The following ANKS1B variants were observed in gnomAD, a reference collection of about 807,000 sequenced individuals.
ANKS1B encodes the protein ankyrin repeat and sterile alpha motif domain containing 1B.
A neutral mutation model predicts 148.3 loss-of-function variants in ANKS1B; 36 were observed. The ratio of observed to expected loss-of-function variants is 0.24; its 90% CI spans 0.19 to 0.32. The LOEUF (loss-of-function observed/expected upper bound fraction) is 0.32, where lower values mean the gene tolerates loss of function less well. Among genes scored for constraint, ANKS1B ranks in the 10% least tolerant of loss-of-function variants. ANKS1B has a pLI of 1.00. For missense variants in ANKS1B, 1,157 were observed against 1,542.6 expected, an observed-to-expected ratio of 0.75 and a Z score of 4.19; for synonymous variants, 542 against 560.8, an observed-to-expected ratio of 0.97 and a Z score of 0.47.
rs150642467 is a variant in ANKS1B at position 99,205,584 on chromosome 12, C to T, written c.2419+38758G>A. Among the ~76,000 whole-genome samples, 308 of 152,230 alleles carry T rather than the reference C, an allele frequency of 2.0e-3. 9 individuals carry two copies. The South Asian group carries it at 0.048, about 24-fold the overall frequency. On this transcript the variant is annotated intron_variant, in intron 14 of 26. Transcript: ENST00000683438. ...AGGTCCCCTGTCTTCCTCACGGAGC[C>T]CCAGTCTGTTCCTTTCAGGTTGGAC...
intron 17 of ANKS1B, among the ~76,000 whole-genome samples, chr12:98,865,540 A>G (rs1422799369): frequency 6.6e-6 from 1 of 152,232 alleles, no homozygotes; most frequent in Non-Finnish European, 1.5e-5. Flanking sequence ...GCAGGGGAGA[A>G]GGATCATGAA....
intron 1 of ANKS1B, among the ~76,000 whole-genome samples, chr12:99,876,386 T>A (rs945016455): frequency 6.6e-6 from 1 of 152,032 alleles, no homozygotes; most frequent in Non-Finnish European, 1.5e-5. Flanking sequence ...TCATATAAAA[T>A]GAGTAGGATT....
Position 98,832,438 on chromosome 12 carries a change from C to T in ANKS1B, c.2779-302G>A, listed in dbSNP as rs530046209. 3.3e-5 allele frequency among the ~76,000 whole-genome samples: 5 copies of T among 152,138 alleles called. No individual in the cohort carries two copies. In the East Asian group the frequency reaches 5.8e-4, roughly 18 times the overall value. ...GAAACCAGCTCTTCTTATAAGCAGC[C>T]GAAACCTCACAGGATAAAATCTGAG... On this transcript the variant is annotated intron_variant, in intron 17 of 26. Coordinates refer to ENST00000683438, the MANE Select transcript of ANKS1B (RefSeq NM_001352186.2).
At chr12:99,820,243 G>T (rs1032782800) in intron 2 of ANKS1B, among the ~76,000 whole-genome samples, 4 of 151,852 alleles carry the variant, frequency 2.6e-5, no homozygotes, top group African/African-American at 9.7e-5. Flanking sequence ...AGATGAATAT[G>T]AAATAATGCA....
In ANKS1B at chr12:99,704,263, A is replaced by C. The variant is rs554326984; in HGVS notation, c.1129-49053T>G. Among the ~76,000 whole-genome samples, 7 of 152,172 alleles carry C rather than the reference A, an allele frequency of 4.6e-5. No homozygotes were observed. In the East Asian group the frequency reaches 5.8e-4, roughly 13 times the overall value. ...AGGGATAATTTGGCTTCCTCTCTCCACAGGCAGATGGAGGCCTTTTCCCCC... is the reference window on the plus strand; with the variant it reads ...AGGGATAATTTGGCTTCCTCTCTCCCCAGGCAGATGGAGGCCTTTTCCCCC... On this transcript the variant is annotated intron_variant, in intron 8 of 26. Coordinates refer to ENST00000683438, the MANE Select transcript of ANKS1B (RefSeq NM_001352186.2).
intron 9 of ANKS1B, among the ~76,000 whole-genome samples, chr12:99,574,021 G>A (rs919329901): frequency 1.3e-5 from 2 of 151,934 alleles, no homozygotes; most frequent in Admixed American, 1.3e-4. Flanking sequence ...CCAAATGCCA[G>A]AAGTGTTGCC....
In ANKS1B at chr12:99,248,253, G is replaced by A. The variant is rs56661312; in HGVS notation, c.1757-1389C>T. Among the ~76,000 whole-genome samples the A allele has an allele frequency of 1.8e-3, 278 of 152,270 alleles. 2 individuals are homozygous for A. Among genetic ancestry groups the A allele is most frequent in the African/African-American group, 6.5e-3 (271 of 41,558 alleles). ...TCTTTATAGTGAAGATTGGCCCCAG[G>A]TGTCTATACTGCTCTCCGCCTGGGA... On this transcript the variant is annotated intron_variant, in intron 12 of 26. Coordinates refer to ENST00000683438, the MANE Select transcript of ANKS1B (RefSeq NM_001352186.2).
chr12:99,507,118 T>C (rs1289918403), intron 9 of ANKS1B, among the ~76,000 whole-genome samples: 3 of 151,920 alleles, frequency 2.0e-5, no homozygotes, highest in African/African-American at 7.2e-5. Context: ...ATGTAAATTA[T>C]TTTGCCTTTC....
In ANKS1B at chr12:99,272,482, T is replaced by C. The variant is rs2077157883; in HGVS notation, c.1757-25618A>G. On this transcript the variant is annotated intron_variant, in intron 12 of 26. Transcript: ENST00000683438. ...ACTATTTTGGAACTCTGGAGTATAA[T>C]GAAGACTTGAAGCGTCCAGGAGAAG... Among the ~76,000 whole-genome samples the C allele has an allele frequency of 2.0e-5, 3 of 152,312 alleles. No homozygotes were observed. The South Asian group carries it at 6.2e-4, about 32-fold the overall frequency.
intron 17 of ANKS1B, 69 bp downstream of exon 17, chr12:99,053,088 A>T: frequency 7.2e-7 from 1 of 1,394,420 alleles, no homozygotes; most frequent in Non-Finnish European, 9.5e-7. Context: ...AAACACTTAT[A>T]AAAAAAGAAA....
intron 9 of ANKS1B, among the ~76,000 whole-genome samples, chr12:99,625,396 A>G (rs1472420893): frequency 2.0e-5 from 3 of 152,126 alleles, no homozygotes; most frequent in African/African-American, 7.2e-5. Context: ...AAAAATAGAA[A>G]TTTTAAAAAA....
intron 15 of ANKS1B, among the ~76,000 whole-genome samples, chr12:99,131,983 A>T (rs562471822): frequency 6.6e-6 from 1 of 152,030 alleles, no homozygotes; most frequent in South Asian, 2.1e-4. Context: ...TCTGTTTTCT[A>T]GCCTCTCTTC....
intron 12 of ANKS1B, among the ~76,000 whole-genome samples, chr12:99,359,478 T>C (rs2092312798): frequency 6.6e-6 from 1 of 152,042 alleles, no homozygotes; most frequent in African/African-American, 2.4e-5. Flanking sequence ...GCCAAGAGCA[T>C]AAAAAATACA....
chr12:98,797,262 T>C (rs1261951834), intron 22 of ANKS1B, among the ~76,000 whole-genome samples: 1 of 152,156 alleles, frequency 6.6e-6, no homozygotes, highest in African/African-American at 2.4e-5. Flanking sequence ...AAACAGAGGA[T>C]CGGGGAAACA....
At chr12:99,298,968 G>A (rs1405487749) in intron 12 of ANKS1B, among the ~76,000 whole-genome samples, 2 of 151,948 alleles carry the variant, frequency 1.3e-5, no homozygotes, top group African/African-American at 4.8e-5. Context: ...CTGTGAATCT[G>A]GAAACACAAG....
At chr12:99,757,628 C>T (rs1042214834) in intron 8 of ANKS1B, among the ~76,000 whole-genome samples, 8 of 151,914 alleles carry the variant, frequency 5.3e-5, no homozygotes, top group East Asian at 1.9e-4. Context: ...ATTATAAAGA[C>T]GAATGCACAC....
intron 12 of ANKS1B, among the ~76,000 whole-genome samples, chr12:99,365,076 C>A (rs959759061): frequency 6.6e-6 from 1 of 152,106 alleles, no homozygotes; most frequent in South Asian, 2.1e-4. Context: ...ATGATCATTC[C>A]CAGAGGACTG....
At chr12:99,972,334 T>C (rs969025335) in intron 1 of ANKS1B, among the ~76,000 whole-genome samples, 3 of 152,166 alleles carry the variant, frequency 2.0e-5, no homozygotes, top group African/African-American at 7.2e-5. Flanking sequence ...GCCTAACAGT[T>C]AGCCAAGCTG....
intron 17 of ANKS1B, among the ~76,000 whole-genome samples, chr12:98,997,671 A>G (rs1351366626): frequency 1.3e-5 from 2 of 152,202 alleles, no homozygotes; most frequent in South Asian, 2.1e-4. Context: ...AATTACAGGC[A>G]TGAGCCACCG....
Sources: gnomAD v4.1 joint callset for allele counts (sites outside exome capture counted in the v4.1 genomes callset) on GRCh38, gnomAD v4.1.1 for gene constraint, MANE v1.5 for transcripts, NCBI Gene and HGNC (gene_info 2026-07-23, HGNC 2026-07-21) for gene names.